Variants in BMP6 observed in about 807,000 individuals in gnomAD.
The protein encoded by BMP6 is VG-1-R.
Under a neutral mutation model 54.1 loss-of-function variants are expected in BMP6, and 17 were observed. The ratio of observed to expected loss-of-function variants is 0.31; its 90% CI spans 0.22 to 0.47. BMP6 has a LOEUF of 0.47. Ranked by LOEUF, BMP6 falls within the 20% of genes least tolerant of loss-of-function variation. The pLI, the probability that BMP6 is intolerant of heterozygous loss-of-function variation, is 1.00. For synonymous variants in BMP6, 328 were observed against 291.2 expected (o/e 1.13, Z -1.28); for missense variants, 720 against 690.4 (o/e 1.04, Z -0.48).
chr6:7,828,390 G>A (rs1316129693), intron 1 of BMP6, among the ~76,000 whole-genome samples: 1 of 152,262 alleles, frequency 6.6e-6, no homozygotes, highest in Admixed American at 6.5e-5. Flanking sequence ...GCTGTGCTCA[G>A]AGATGTTCGT....
intron 1 of BMP6, among the ~76,000 whole-genome samples, chr6:7,817,098 A>AT (rs1442589475): frequency 6.6e-6 from 1 of 152,094 alleles, no homozygotes; most frequent in Non-Finnish European, 1.5e-5. Context: ...CATTCAGTCT[A>AT]TTTTTTCAAT....
chr6:7,746,184 C>T (rs963866226), intron 1 of BMP6, among the ~76,000 whole-genome samples: 8 of 152,142 alleles, frequency 5.3e-5, no homozygotes, highest in East Asian at 3.9e-4. Flanking sequence ...TGAATCCGAG[C>T]GTGAGTGGCT....
intron 1 of BMP6, among the ~76,000 whole-genome samples, chr6:7,741,632 T>TA (rs1198214331): frequency 3.3e-5 from 5 of 151,360 alleles, no homozygotes; most frequent in African/African-American, 1.2e-4. Flanking sequence ...GGGGTCTCAT[T>TA]ATGTTGCCCA....
At chr6:7,849,780 C>T (rs146526849) in intron 2 of BMP6, among the ~76,000 whole-genome samples, 2,712 of 152,306 alleles carry the variant, frequency 0.018, 49 homozygotes, top group Non-Finnish European at 0.028. Context: ...AGATCGGCCA[C>T]ACTTGTCTCT....
At chr6:7,794,620 AAGG>A (rs1332704440) in intron 1 of BMP6, among the ~76,000 whole-genome samples, 3 of 151,568 alleles carry the variant, frequency 2.0e-5, no homozygotes, top group South Asian at 2.1e-4. Flanking sequence ...AAAAAAAAAA[AAGG>A]AGAAGAAGAA....
At chr6:7,813,456 T>TCC (rs1758470449) in intron 1 of BMP6, among the ~76,000 whole-genome samples, 1 of 6,120 alleles carries the variant, frequency 1.6e-4, no homozygotes, top group Non-Finnish European at 2.7e-4. Flanking sequence ...TCCCTGTCTC[T>TCC]ACAAAAAAAA....
intron 1 of BMP6, among the ~76,000 whole-genome samples, chr6:7,769,477 G>A (rs1361382867): frequency 6.6e-6 from 1 of 152,170 alleles, no homozygotes; most frequent in Non-Finnish European, 1.5e-5. Flanking sequence ...CATTGAGTAG[G>A]GGTCGAGTTC....
intron 2 of BMP6, among the ~76,000 whole-genome samples, chr6:7,855,339 C>G (rs1275413960): frequency 3.3e-5 from 5 of 152,218 alleles, no homozygotes; most frequent in South Asian, 4.1e-4. Flanking sequence ...GGCCCCTCCC[C>G]AAGCTTACTG....
At chr6:7,837,064 T>C (rs1294772523) in intron 1 of BMP6, among the ~76,000 whole-genome samples, 2 of 152,256 alleles carry the variant, frequency 1.3e-5, no homozygotes, top group Non-Finnish European at 2.9e-5. Context: ...TTGGGAATTA[T>C]TGTAATTGCC....
chr6:7,758,164 T>A (rs1757555496), intron 1 of BMP6, among the ~76,000 whole-genome samples: 1 of 152,204 alleles, frequency 6.6e-6, no homozygotes, highest in Non-Finnish European at 1.5e-5. Context: ...CCGCAAACGT[T>A]TTGCATATTG....
intron 1 of BMP6, among the ~76,000 whole-genome samples, chr6:7,731,838 A>C (rs551131478): frequency 1.1e-4 from 17 of 152,246 alleles, no homozygotes; most frequent in Non-Finnish European, 2.1e-4. Context: ...ATTTGAGAGT[A>C]GTAAAAACAT....
At chr6:7,851,426 C>A (rs995733110) in intron 2 of BMP6, among the ~76,000 whole-genome samples, 12 of 152,028 alleles carry the variant, frequency 7.9e-5, no homozygotes, top group Non-Finnish European at 1.5e-4. Context: ...TATAGCATAC[C>A]ATTGATTTTA....
chr6:7,811,829 C>T (rs972555555), intron 1 of BMP6, among the ~76,000 whole-genome samples: 12 of 152,150 alleles, frequency 7.9e-5, no homozygotes, highest in South Asian at 2.1e-4. Context: ...CAGATAACTT[C>T]AGTAATGGAA....
At chr6:7,776,647 G>A (rs544303605) in intron 1 of BMP6, among the ~76,000 whole-genome samples, 71 of 152,256 alleles carry the variant, frequency 4.7e-4, no homozygotes, top group African/African-American at 1.5e-3. Flanking sequence ...TATTAGGTAC[G>A]AATACTTGTG....
rs1298007517 is a variant in BMP6 at position 7,726,289 on chromosome 6, G to A, written c.-667G>A. Reference sequence around the variant, plus strand: ...GATCCTCGCCGCCTCCGCTTGAGGAGGCGTGCGGCGCGCGGAGATTTTGAG... The same window carrying A: ...GATCCTCGCCGCCTCCGCTTGAGGAAGCGTGCGGCGCGCGGAGATTTTGAG... On this transcript the variant is annotated 5_prime_UTR_variant, in exon 1 of 7. Transcript: ENST00000283147. 6.6e-6 allele frequency among the ~76,000 whole-genome samples: 1 copy of A among 152,238 alleles called. No individual in the cohort carries two copies. The highest frequency in any genetic ancestry group is 1.5e-5 in the Non-Finnish European group (1 of 68,044).
At chr6:7,734,638 A>G (rs1464639584) in intron 1 of BMP6, among the ~76,000 whole-genome samples, 1 of 152,206 alleles carries the variant, frequency 6.6e-6, no homozygotes, top group Non-Finnish European at 1.5e-5. Flanking sequence ...TGTTGACTCC[A>G]AAGAATTGTT....
intron 1 of BMP6, among the ~76,000 whole-genome samples, chr6:7,831,292 G>C (rs1287576382): frequency 6.6e-6 from 1 of 152,184 alleles, no homozygotes; most frequent in African/African-American, 2.4e-5. Flanking sequence ...TGTTACCAAG[G>C]CCGCGGGGGA....
intron 1 of BMP6, among the ~76,000 whole-genome samples, chr6:7,807,003 C>T (rs1377189176): frequency 6.6e-6 from 1 of 152,230 alleles, no homozygotes; most frequent in Non-Finnish European, 1.5e-5. Context: ...GAGGATTCCA[C>T]TGTTTCTCTG....
At chr6:7,860,930 C>T (rs1759322727) in intron 2 of BMP6, among the ~76,000 whole-genome samples, 1 of 152,016 alleles carries the variant, frequency 6.6e-6, no homozygotes, top group East Asian at 1.9e-4. Flanking sequence ...TCCTGTTTCT[C>T]GCTGTCTCCT....
Sources: allele counts gnomAD v4.1 joint callset (sites outside exome capture counted in the v4.1 genomes callset), GRCh38; gene constraint gnomAD v4.1.1; transcripts MANE v1.5; gene names NCBI Gene and HGNC (gene_info 2026-07-23, HGNC 2026-07-21).